Variants in CCDC150 observed in about 807,000 individuals in gnomAD.
The protein encoded by CCDC150 is coiled-coil domain-containing protein 150.
CCDC150 carries 151 observed loss-of-function variants against 156.5 expected under a neutral mutation model. The ratio of observed to expected loss-of-function variants is 0.97; its 90% CI spans 0.85 to 1.10. The LOEUF (loss-of-function observed/expected upper bound fraction) is 1.10. Ranked by LOEUF, CCDC150 falls within the 50% of genes least tolerant of loss-of-function variation. CCDC150 has a pLI of 0.00. For synonymous variants in CCDC150, 452 were observed against 429.4 expected (o/e 1.05, Z -0.65); for missense variants, 1,312 against 1,268.1 (o/e 1.03, Z -0.53).
chr2:196,672,372 C>T lies in CCDC150; in HGVS notation c.964C>T (p.His322Tyr), dbSNP rs757880806. Residue 322 changes from histidine to tyrosine, a missense_variant, in exon 9 of 28, where the codon CAT becomes TAT. Transcript: ENST00000389175. ...KNLQISFNKE[H>Y]EENAYLRSEI... ...CCTGCAGATATCTTTCAACAAGGAA[C>T]ATGAAGAAAATGCATATTTGAGGTC... 1 of 1,542,070 alleles carries T rather than the reference C, an allele frequency of 6.5e-7. No homozygotes were observed.
In CCDC150 at chr2:196,712,245, A is replaced by G. The variant is rs766767174; in HGVS notation, c.1796A>G (p.Tyr599Cys). 6.6e-7 allele frequency: 1 copy of G among 1,510,680 alleles called. No individual in the cohort carries two copies. Among genetic ancestry groups the G allele is most frequent in the East Asian group, 2.3e-5 (1 of 43,184 alleles). 93.6% of individuals were successfully genotyped at this position (1,510,680 alleles called of 1,614,324 possible). ...RKMNKYLQTKYAQANSELSAK... is the reference protein window; with the variant it reads ...RKMNKYLQTKCAQANSELSAK... ...ATGAATAAGTATTTACAGACTAAATATGCTCAGGTGTGATTAATATCTACA... is the reference window on the plus strand; with the variant it reads ...ATGAATAAGTATTTACAGACTAAATGTGCTCAGGTGTGATTAATATCTACA... The change falls in exon 16 of 28, where the codon TAT becomes TGT. Residue 599 changes from tyrosine (Y) to cysteine (C), a missense_variant. Physicochemically the swap from Tyr to Cys is radical, Grantham distance 194. Transcript: ENST00000389175.
intron 7 of CCDC150, chr2:196,667,566 A>C (rs1693920063): frequency 6.6e-6 from 1 of 152,284 alleles, no homozygotes; most frequent in African/African-American, 2.4e-5. Context: ...GTTTACACTG[A>C]ACTTTCACAT....
At chr2:196,654,091 A>C (rs375715243) in intron 2 of CCDC150, among the ~76,000 whole-genome samples, 2 of 152,174 alleles carry the variant, frequency 1.3e-5, no homozygotes, top group South Asian at 4.1e-4. Flanking sequence ...CAAGACATTC[A>C]TGAGTGAGCT....
intron 2 of CCDC150, among the ~76,000 whole-genome samples, chr2:196,651,212 T>G (rs1692853904): frequency 6.6e-6 from 1 of 152,236 alleles, no homozygotes; most frequent in African/African-American, 2.4e-5. Flanking sequence ...CTTAATGTGA[T>G]AAATTACATG....
At chr2:196,648,501 G>T (rs1692677162) in intron 2 of CCDC150, among the ~76,000 whole-genome samples, 1 of 151,986 alleles carries the variant, frequency 6.6e-6, no homozygotes, top group East Asian at 1.9e-4. Context: ...TCTTGTTATT[G>T]AGTAGTTTGA....
chr2:196,695,586 G>T (rs1695768982), intron 14 of CCDC150, among the ~76,000 whole-genome samples: 1 of 152,126 alleles, frequency 6.6e-6, no homozygotes, highest in Non-Finnish European at 1.5e-5. Flanking sequence ...GCTCACACCT[G>T]TAATCCCAGC....
intron 15 of CCDC150, among the ~76,000 whole-genome samples, chr2:196,704,513 T>G (rs1420061135): frequency 6.6e-6 from 1 of 152,194 alleles, no homozygotes; most frequent in Non-Finnish European, 1.5e-5. Context: ...TTTTGTTATA[T>G]TTCCCCTTAC....
intron 4 of CCDC150, among the ~76,000 whole-genome samples, chr2:196,658,304 A>G (rs1050416852): frequency 6.6e-6 from 1 of 152,208 alleles, no homozygotes; most frequent in African/African-American, 2.4e-5. Flanking sequence ...TAAAGGCAGT[A>G]AAGAAGGCAA....
At chr2:196,713,442 A>C (rs1697273109) in intron 17 of CCDC150, 1 of 1,550,790 alleles carries the variant, frequency 6.4e-7, no homozygotes, top group African/African-American at 1.4e-5. Flanking sequence ...AACAGTATAA[A>C]GGAAAGAACG....
At chr2:196,657,289 C>CACTGATAACCTATTTGAGGAA in intron 4 of CCDC150, 153 bp downstream of exon 4, 1 of 710,268 alleles carries the variant, frequency 1.4e-6, no homozygotes, top group East Asian at 2.8e-5. Context: ...GATTCTTGGC[C>CACTGATAACCTATTTGAGGAA]TATGACATTT....
At chr2:196,680,631 G>C (rs1185469412) in intron 13 of CCDC150, among the ~76,000 whole-genome samples, 1 of 152,064 alleles carries the variant, frequency 6.6e-6, no homozygotes, top group Non-Finnish European at 1.5e-5. Context: ...TTCTCCATTG[G>C]TGGGCTTTCA....
chr2:196,670,508 A>G (rs543079425), intron 8 of CCDC150, among the ~76,000 whole-genome samples: 5 of 150,710 alleles, frequency 3.3e-5, no homozygotes, highest in African/African-American at 4.9e-5. Flanking sequence ...CCCACCTACA[A>G]TGCACATCTG....
intron 2 of CCDC150, among the ~76,000 whole-genome samples, chr2:196,650,651 CA>C (rs1314020422): frequency 3.3e-5 from 5 of 152,208 alleles, no homozygotes; most frequent in South Asian, 2.1e-4. Context: ...CTCGGCCTCC[CA>C]AAGTGCTGGG....
Position 196,646,601 on chromosome 2 carries a change from A to G in CCDC150, c.176+97A>G, listed in dbSNP as rs1277519188. 4 of 856,976 alleles carry G rather than the reference A, an allele frequency of 4.7e-6. No individual in the cohort carries two copies. The Admixed American group carries it at 9.6e-5, about 21-fold the overall frequency. 53.1% of individuals were successfully genotyped at this position (856,976 alleles called of 1,614,324 possible). Reference sequence around the variant, plus strand: ...GGCAGATGAGATGGATATTTGCAAAAGAACTGAGAAATAATTTTCATTTGA... The same window carrying G: ...GGCAGATGAGATGGATATTTGCAAAGGAACTGAGAAATAATTTTCATTTGA... On this transcript the variant is annotated intron_variant, in intron 2 of 27. Coordinates refer to ENST00000389175, the MANE Select transcript of CCDC150 (RefSeq NM_001080539.2).
intron 18 of CCDC150, among the ~76,000 whole-genome samples, 199 bp downstream of exon 18, chr2:196,718,830 A>G (rs1446313624): frequency 6.6e-6 from 1 of 151,992 alleles, no homozygotes; most frequent in Non-Finnish European, 1.5e-5. Flanking sequence ...TCTAACTCCC[A>G]ATGTTTTTTT....
At chr2:196,678,653 A>G (rs915465746) in intron 13 of CCDC150, among the ~76,000 whole-genome samples, 1 of 152,204 alleles carries the variant, frequency 6.6e-6, no homozygotes, top group African/African-American at 2.4e-5. Context: ...CTGTAATCCC[A>G]GCACGTTGGG....
chr2:196,668,336 C>T (rs1575792446), intron 7 of CCDC150, among the ~76,000 whole-genome samples: 5 of 149,614 alleles, frequency 3.3e-5, no homozygotes, highest in African/African-American at 1.2e-4. Context: ...ATAAAAGGAT[C>T]CACACTGACT....
Position 196,688,801 on chromosome 2 carries a change from A to G in CCDC150, c.1510-6245A>G, listed in dbSNP as rs561546198. On this transcript the variant is annotated intron_variant, in intron 13 of 27. Transcript: ENST00000389175. Reference sequence around the variant, plus strand: ...TTGTTGCCATTGCTTTTGGTGTTTTAGACATGAAGTCCTTGCCCATGCCTA... The same window carrying G: ...TTGTTGCCATTGCTTTTGGTGTTTTGGACATGAAGTCCTTGCCCATGCCTA... 2.4e-4 allele frequency among the ~76,000 whole-genome samples: 36 copies of G among 151,368 alleles called. No homozygotes were observed. The East Asian group carries it at 7.0e-3, about 29-fold the overall frequency.
intron 16 of CCDC150, chr2:196,712,458 T>A: frequency 1.7e-6 from 1 of 583,586 alleles, no homozygotes; most frequent in Non-Finnish European, 3.1e-6. Context: ...TGAAGCAGGA[T>A]TGAGACATTC....
Sources: allele counts gnomAD v4.1 joint callset (sites outside exome capture counted in the v4.1 genomes callset), GRCh38; gene constraint gnomAD v4.1.1; transcripts MANE v1.5; gene names NCBI Gene and HGNC (gene_info 2026-07-23, HGNC 2026-07-21).